The following FRY variants were observed in gnomAD, a reference collection of about 807,000 sequenced individuals.
FRY encodes the protein FRY microtubule binding protein.
FRY carries 128 observed loss-of-function variants against 348.4 expected under a neutral mutation model. That is an observed-to-expected ratio of 0.37 (90% CI 0.32 to 0.43). The LOEUF is 0.43. Ranked by LOEUF, FRY falls within the 20% of genes least tolerant of loss-of-function variation. The pLI is 1.00. For missense variants in FRY, 2,736 were observed against 3,695.2 expected (o/e 0.74, Z 6.73); for synonymous variants, 1,370 against 1,374.7 (o/e 1.00, Z 0.08).
At chr13:32,130,082 A>T (rs1879255359) in intron 7 of FRY, among the ~76,000 whole-genome samples, 1 of 141,346 alleles carries the variant, frequency 7.1e-6, no homozygotes, top group Admixed American at 7.2e-5. Context: ...TTCCGGTGAG[A>T]CAGAGTCTTA....
At chr13:32,283,692 T>G (rs1888921572) in intron 58 of FRY, among the ~76,000 whole-genome samples, 2 of 152,202 alleles carry the variant, frequency 1.3e-5, no homozygotes, top group Admixed American at 6.5e-5. Flanking sequence ...AGTCAATGAT[T>G]TGGGCTTCTT....
intron 43 of FRY, 135 bp downstream of exon 43, chr13:32,236,307 A>G: frequency 3.0e-6 from 2 of 670,182 alleles, no homozygotes; most frequent in Middle Eastern, 3.0e-4. Flanking sequence ...AAGTATGTGT[A>G]ATACTTTCTT....
At position 32,267,552 on chromosome 13, in the gene FRY, A is replaced by G. The variant is rs142620804; in HGVS notation, c.8136+193A>G. 4.5e-3 allele frequency among the ~76,000 whole-genome samples: 683 copies of G among 152,184 alleles called. 2 individuals are homozygous for G. Among genetic ancestry groups the G allele is most frequent in the Non-Finnish European group, 7.1e-3 (486 of 67,994 alleles). The stretch of plus-strand genomic sequence containing the variant: ...ATCTTGTCATCCTTCTAAACATGGT[A>G]TTGATGATTTAGGCTGCCATGAAGT... On this transcript the variant is annotated intron_variant, in intron 55 of 60. Transcript: ENST00000542859.
chr13:32,036,496 G>GC (rs1388101672), intron 1 of FRY, among the ~76,000 whole-genome samples: 8 of 151,552 alleles, frequency 5.3e-5, no homozygotes, highest in Non-Finnish European at 8.8e-5. Flanking sequence ...CCATTCAAAT[G>GC]CATGAACAGT....
rs1164391373 is a variant in FRY, at chr13:32,121,806, G to GT, written c.465-2475dup. ...AATTAGGTCCCAGCTATTTATCTTTGTTTTTATTGCATTTGCTTTTGGGTT... is the reference window on the plus strand; with the variant it reads ...AATTAGGTCCCAGCTATTTATCTTTGTTTTTTATTGCATTTGCTTTTGGGTT... On this transcript the variant is annotated intron_variant, in intron 4 of 60. Coordinates refer to ENST00000542859, the MANE Select transcript of FRY (RefSeq NM_023037.3). Among the ~76,000 whole-genome samples, 3 of 152,146 alleles carry GT rather than the reference G, an allele frequency of 2.0e-5. No homozygotes were observed. The East Asian group carries it at 5.8e-4, about 29-fold the overall frequency.
chr13:32,201,270 A>G (rs1038762815), intron 29 of FRY, among the ~76,000 whole-genome samples: 2 of 152,078 alleles, frequency 1.3e-5, no homozygotes, highest in Non-Finnish European at 2.9e-5. Flanking sequence ...GGCTAATGTC[A>G]CCTGGTGCTT....
chr13:32,038,239 C>A (rs1366364294), intron 1 of FRY, among the ~76,000 whole-genome samples: 1 of 152,140 alleles, frequency 6.6e-6, no homozygotes, highest in African/African-American at 2.4e-5. Context: ...AAATAATAAT[C>A]TTCGTCCATG....
chr13:32,286,856 A>T (rs1248822066), intron 58 of FRY, among the ~76,000 whole-genome samples: 7 of 148,996 alleles, frequency 4.7e-5, no homozygotes, highest in African/African-American at 1.7e-4. Context: ...GTTGTAGATT[A>T]CTTTTAGAAA....
intron 53 of FRY, among the ~76,000 whole-genome samples, chr13:32,264,867 T>G (rs1019937252): frequency 2.0e-5 from 3 of 152,212 alleles, no homozygotes; most frequent in Non-Finnish European, 2.9e-5. Context: ...AGGGAAGGAC[T>G]CTGGATCACT....
In FRY at chr13:32,297,355, G is replaced by C. The variant is rs2072079512; in HGVS notation, c.*1895G>C. On this transcript the variant is annotated 3_prime_UTR_variant, in exon 61 of 61. Transcript: ENST00000542859. The stretch of plus-strand genomic sequence containing the variant: ...TCTCTGAAAAATATCATAAAATAAA[G>C]GTTTCTGTGGCTAACCACAGTAGAC... 6.6e-6 allele frequency: 1 copy of C among 151,864 alleles called. No individual in the cohort carries two copies. The highest frequency in any genetic ancestry group is 6.6e-5 in the Admixed American group (1 of 15,246). The allele number at this position is 151,864 out of a possible 1,614,324, so 9.4% of individuals were successfully genotyped here. A position where few individuals can be genotyped will look rare whatever the true frequency, so the allele number is the denominator to read the frequency against.
intron 53 of FRY, 83 bp from the exon 54 acceptor site, chr13:32,265,367 T>C: frequency 7.7e-7 from 1 of 1,306,458 alleles, no homozygotes; most frequent in South Asian, 1.2e-5. Context: ...TTTCAGTCTC[T>C]CTTATTTGTT....
chr13:32,117,313 C>T, intron 3 of FRY, 21 bp from the exon 4 acceptor site: 1 of 1,612,596 alleles, frequency 6.2e-7, no homozygotes, highest in Admixed American at 1.7e-5. Context: ...GTGTTCTAAT[C>T]ACCTGCATTT....
intron 55 of FRY, among the ~76,000 whole-genome samples, chr13:32,268,368 G>A (rs1231449802): frequency 6.6e-6 from 1 of 151,722 alleles, no homozygotes; most frequent in Admixed American, 6.6e-5. Context: ...GATATTGACC[G>A]TGAAAATGGC....
intron 7 of FRY, among the ~76,000 whole-genome samples, chr13:32,126,913 G>A (rs892258427): frequency 6.6e-6 from 1 of 152,128 alleles, no homozygotes; most frequent in Non-Finnish European, 1.5e-5. Context: ...CATTCCCAAT[G>A]ATAATGCTTA....
At chr13:32,254,126 A>G (rs1389310479) in intron 50 of FRY, 98 bp from the exon 51 acceptor site, 1 of 1,050,758 alleles carries the variant, frequency 9.5e-7, no homozygotes, top group Admixed American at 1.7e-5. Flanking sequence ...TTAGGTGTGT[A>G]CTGGAAATAC....
intron 3 of FRY, among the ~76,000 whole-genome samples, chr13:32,105,872 T>C (rs555429027): frequency 6.6e-6 from 1 of 152,018 alleles, no homozygotes; most frequent in Non-Finnish European, 1.5e-5. Context: ...TGACTAATCC[T>C]GAATGGCCCT....
chr13:32,103,935 C>T (rs1566073001), intron 3 of FRY, among the ~76,000 whole-genome samples: 1 of 151,952 alleles, frequency 6.6e-6, no homozygotes, highest in Non-Finnish European at 1.5e-5. Context: ...TGCACTCAAA[C>T]CTGGGTAACA....
rs182561470 is a variant in FRY at position 32,287,541 on chromosome 13, A to T, written c.8470-2092A>T. Among the ~76,000 whole-genome samples, 353 of 152,340 alleles carry T rather than the reference A, an allele frequency of 2.3e-3. 1 individual carries two copies. Among genetic ancestry groups the T allele is most frequent in the African/African-American group, 8.1e-3 (336 of 41,568 alleles). On this transcript the variant is annotated intron_variant, in intron 58 of 60. Coordinates refer to ENST00000542859, the MANE Select transcript of FRY (RefSeq NM_023037.3). ...GTGTTCACATATTATGCACACTTAT[A>T]CGCTAAAATCTTCAAGCAATAAAAG...
intron 11 of FRY, among the ~76,000 whole-genome samples, chr13:32,145,478 G>A (rs548059776): frequency 8.0e-5 from 12 of 150,912 alleles, no homozygotes; most frequent in African/African-American, 2.7e-4. Context: ...ATGGAGGAAT[G>A]AAGTGTCCAC....
Sources: gnomAD v4.1 joint callset for allele counts (sites outside exome capture counted in the v4.1 genomes callset) on GRCh38, gnomAD v4.1.1 for gene constraint, MANE v1.5 for transcripts, NCBI Gene and HGNC (gene_info 2026-07-23, HGNC 2026-07-21) for gene names.